Variants in SGCZ observed in about 807,000 individuals in gnomAD.
SGCZ encodes the protein sarcoglycan zeta, also known as zeta-sarcoglycan.
SGCZ carries 40 observed loss-of-function variants against 41.3 expected under a neutral mutation model. That is an observed-to-expected ratio of 0.97 (90% confidence interval 0.75 to 1.26). The LOEUF (loss-of-function observed/expected upper bound fraction) is 1.26, where lower values mean the gene tolerates loss of function less well. Ranked by LOEUF, SGCZ falls within the 50% of genes most tolerant of loss-of-function variation. SGCZ has a pLI of 0.00. For synonymous variants in SGCZ, 206 were observed against 137.5 expected, an observed-to-expected ratio of 1.50 and a Z score of -3.49; for missense variants, 552 against 369.8, an observed-to-expected ratio of 1.49 and a Z score of -4.04.
At chr8:14,109,168 C>T (rs1802298565) in intron 5 of SGCZ, among the ~76,000 whole-genome samples, 1 of 152,160 alleles carries the variant, frequency 6.6e-6, no homozygotes, top group Non-Finnish European at 1.5e-5. Context: ...GCTTTAAATT[C>T]TGGTGTTATA....
chr8:14,618,441 G>C (rs1250002959), intron 1 of SGCZ, among the ~76,000 whole-genome samples: 2 of 152,110 alleles, frequency 1.3e-5, no homozygotes, highest in Non-Finnish European at 1.5e-5. Flanking sequence ...CCAGTATAGA[G>C]GTCCTAAGGC....
intron 4 of SGCZ, among the ~76,000 whole-genome samples, chr8:14,214,212 C>A (rs1482082087): frequency 6.6e-6 from 1 of 152,076 alleles, no homozygotes; most frequent in Non-Finnish European, 1.5e-5. Context: ...AAATGTCAGA[C>A]AAATCCCAAT....
At chr8:14,836,646 TC>T (rs1259863904) in intron 1 of SGCZ, among the ~76,000 whole-genome samples, 1 of 152,084 alleles carries the variant, frequency 6.6e-6, no homozygotes, top group Non-Finnish European at 1.5e-5. Flanking sequence ...TCGCAGGTGC[TC>T]TCACCATACC....
intron 1 of SGCZ, among the ~76,000 whole-genome samples, chr8:15,081,866 C>T (rs1238415471): frequency 1.3e-5 from 2 of 151,706 alleles, no homozygotes; most frequent in African/African-American, 4.8e-5. Flanking sequence ...GAATTGATTT[C>T]AAAAAAGGAA....
chr8:14,640,800 C>T (rs1337731865), intron 1 of SGCZ, among the ~76,000 whole-genome samples: 1 of 151,604 alleles, frequency 6.6e-6, no homozygotes, highest in Non-Finnish European at 1.5e-5. Flanking sequence ...ACAGTCAAAG[C>T]ACATCTCATC....
intron 1 of SGCZ, among the ~76,000 whole-genome samples, chr8:15,098,326 G>C (rs1478291789): frequency 6.6e-6 from 1 of 152,116 alleles, no homozygotes; most frequent in Non-Finnish European, 1.5e-5. Flanking sequence ...CACCTCTTTG[G>C]TAATTATGTT....
intron 1 of SGCZ, among the ~76,000 whole-genome samples, chr8:14,922,418 A>T (rs1005117100): frequency 6.6e-5 from 10 of 152,178 alleles, no homozygotes; most frequent in African/African-American, 2.4e-4. Context: ...ATTCGAGTGA[A>T]TATGGGCTAC....
chr8:14,875,306 A>G (rs1804310727), intron 1 of SGCZ, among the ~76,000 whole-genome samples: 1 of 152,166 alleles, frequency 6.6e-6, no homozygotes, highest in East Asian at 1.9e-4. Flanking sequence ...GCGCTAACCC[A>G]TTAATGAGGA....
intron 1 of SGCZ, among the ~76,000 whole-genome samples, chr8:14,894,633 C>T (rs1805128525): frequency 6.6e-6 from 1 of 152,114 alleles, no homozygotes; most frequent in East Asian, 1.9e-4. Context: ...ATTGATCTCA[C>T]TGGGCAATCT....
chr8:14,470,421 T>G lies in SGCZ; in HGVS notation c.234+84311A>C, dbSNP rs150069482. On this transcript the variant is annotated intron_variant, in intron 2 of 7. Transcript: ENST00000382080. The stretch of plus-strand genomic sequence containing the variant: ...ATCTCTATGAGGTAGATGCTATTAT[T>G]AATTTCATTTTAATTAGGAAGGAAC... Among the ~76,000 whole-genome samples the G allele has an allele frequency of 7.7e-3, 1,165 of 152,262 alleles. 13 individuals are homozygous for G. The highest frequency in any genetic ancestry group is 0.012 in the Non-Finnish European group (846 of 68,016).
chr8:15,137,631 C>T (rs1808161988), intron 1 of SGCZ, among the ~76,000 whole-genome samples: 5 of 150,772 alleles, frequency 3.3e-5, no homozygotes, highest in African/African-American at 1.2e-4. Context: ...CAGTCCATGA[C>T]TTCAGAGGGT....
At chr8:14,325,015 G>A (rs1473235216) in intron 2 of SGCZ, among the ~76,000 whole-genome samples, 1 of 152,106 alleles carries the variant, frequency 6.6e-6, no homozygotes, top group Non-Finnish European at 1.5e-5. Context: ...AATATTGGGA[G>A]AGAAAGCAAT....
chr8:14,824,621 C>G (rs954480415), intron 1 of SGCZ, among the ~76,000 whole-genome samples: 11 of 151,946 alleles, frequency 7.2e-5, no homozygotes, highest in Non-Finnish European at 1.5e-4. Flanking sequence ...AGACCAAGAA[C>G]CTGCCTTTAC....
intron 1 of SGCZ, among the ~76,000 whole-genome samples, chr8:14,894,988 T>C (rs1292803426): frequency 2.6e-5 from 4 of 152,262 alleles, no homozygotes; most frequent in East Asian, 3.9e-4. Flanking sequence ...ATATCTTCCA[T>C]ACATAATGCT....
chr8:14,705,229 G>T (rs1054517235), intron 1 of SGCZ, among the ~76,000 whole-genome samples: 1 of 151,824 alleles, frequency 6.6e-6, no homozygotes, highest in African/African-American at 2.4e-5. Context: ...TGTAACCTTG[G>T]TGGGGAACAT....
chr8:14,558,574 T>TAGAGAGAGAGAGAGAGAGAGAGAGAG (rs146179658), intron 1 of SGCZ, among the ~76,000 whole-genome samples: 7 of 99,804 alleles, frequency 7.0e-5, no homozygotes, highest in Admixed American at 2.1e-4. Context: ...GAATGACTCT[T>TAGAGAGAGAGAGAGAGAGAGAGAGAG]AGAGAGAGAG....
chr8:15,119,066 T>G (rs1461462638), intron 1 of SGCZ, among the ~76,000 whole-genome samples: 2 of 152,162 alleles, frequency 1.3e-5, no homozygotes, highest in South Asian at 2.1e-4. Context: ...AATTTGATAC[T>G]TTTTTCAGAG....
chr8:14,429,043 A>G (rs728845), intron 2 of SGCZ, among the ~76,000 whole-genome samples: 74,958 of 152,144 alleles, frequency 0.49, 19,704 homozygotes, highest in Non-Finnish European at 0.59. Flanking sequence ...TGTTGTGAAG[A>G]ACCTAGCACG....
chr8:14,412,981 G>A (rs1799401023), intron 2 of SGCZ, among the ~76,000 whole-genome samples: 1 of 151,804 alleles, frequency 6.6e-6, no homozygotes, highest in African/African-American at 2.4e-5. Context: ...TTCATAATTT[G>A]TATATTAAAC....
Sources: allele counts gnomAD v4.1 joint callset (sites outside exome capture counted in the v4.1 genomes callset), GRCh38; gene constraint gnomAD v4.1.1; transcripts MANE v1.5; gene names NCBI Gene and HGNC (gene_info 2026-07-23, HGNC 2026-07-21).